IMMP2L: variants seen among roughly 807,000 people sequenced by gnomAD.
IMMP2L encodes the protein mitochondrial inner membrane protease subunit 2.
In IMMP2L, 18 loss-of-function variants were observed where a neutral mutation model predicts 19.3. The observed-to-expected ratio is 0.93, with a 90% CI of 0.64 to 1.38. The LOEUF is 1.38. Ranked by LOEUF, IMMP2L falls within the 40% of genes most tolerant of loss-of-function variation. IMMP2L has a pLI of 0.00. For missense variants in IMMP2L, 233 were observed against 218.2 expected, an observed-to-expected ratio of 1.07 and a Z score of -0.43; for synonymous variants, 76 against 73.0, an observed-to-expected ratio of 1.04 and a Z score of -0.21.
At chr7:111,294,494 T>C (rs1038859057) in intron 3 of IMMP2L, among the ~76,000 whole-genome samples, 1 of 151,180 alleles carries the variant, frequency 6.6e-6, no homozygotes, top group Non-Finnish European at 1.5e-5. Context: ...AACCCTTATA[T>C]CTAGGCTGTA....
intron 5 of IMMP2L, among the ~76,000 whole-genome samples, chr7:110,716,759 GAA>G (rs749276368): frequency 5.3e-4 from 81 of 152,130 alleles, no homozygotes; most frequent in Non-Finnish European, 1.0e-3. Context: ...GGTGAACTCT[GAA>G]AAGAGTGAAG....
intron 3 of IMMP2L, among the ~76,000 whole-genome samples, chr7:111,467,612 C>T (rs1388997883): frequency 1.3e-5 from 2 of 152,068 alleles, no homozygotes; most frequent in African/African-American, 2.4e-5. Context: ...AGGTTAATTA[C>T]CCTTTTAACT....
At chr7:110,904,865 C>A (rs1249840085) in intron 4 of IMMP2L, among the ~76,000 whole-genome samples, 1 of 152,164 alleles carries the variant, frequency 6.6e-6, no homozygotes, top group Admixed American at 6.5e-5. Flanking sequence ...TTAATATAAT[C>A]TCTATATCTT....
chr7:111,000,028 C>G lies in IMMP2L; in HGVS notation c.240-36463G>C, dbSNP rs535526218. On this transcript the variant is annotated intron_variant, in intron 3 of 5. Transcript: ENST00000405709. ...ATCCACACTAAAAGCCTGAGTTTTCCCAAGTGGATCCATTCTGATTTTGTA... is the reference window on the plus strand; with the variant it reads ...ATCCACACTAAAAGCCTGAGTTTTCGCAAGTGGATCCATTCTGATTTTGTA... Among the ~76,000 whole-genome samples, 70 of 152,208 alleles carry G rather than the reference C, an allele frequency of 4.6e-4. No homozygotes were observed. The South Asian group carries it at 5.2e-3, about 11-fold the overall frequency.
At chr7:111,004,292 G>T (rs539429082) in intron 3 of IMMP2L, among the ~76,000 whole-genome samples, 1 of 151,956 alleles carries the variant, frequency 6.6e-6, no homozygotes, top group Non-Finnish European at 1.5e-5. Flanking sequence ...ATCCTCCCCC[G>T]CTCAGCCTCC....
chr7:111,005,852 C>T (rs1187083328), intron 3 of IMMP2L, among the ~76,000 whole-genome samples: 1 of 152,154 alleles, frequency 6.6e-6, no homozygotes, highest in East Asian at 1.9e-4. Flanking sequence ...GATTGCTCTT[C>T]ATAATCAATC....
intron 3 of IMMP2L, among the ~76,000 whole-genome samples, chr7:111,142,262 G>A (rs1193507459): frequency 1.1e-4 from 16 of 150,366 alleles, no homozygotes; most frequent in Admixed American, 1.1e-3. Context: ...GGTGGTAGAG[G>A]TTGCAGTGAG....
chr7:111,233,025 C>T (rs1813882566), intron 3 of IMMP2L, among the ~76,000 whole-genome samples: 1 of 152,040 alleles, frequency 6.6e-6, no homozygotes, highest in East Asian at 1.9e-4. Context: ...TACCACCTAC[C>T]CCTACTAGAC....
At chr7:110,976,000 A>G (rs957790384) in intron 3 of IMMP2L, among the ~76,000 whole-genome samples, 1 of 152,084 alleles carries the variant, frequency 6.6e-6, no homozygotes, top group Non-Finnish European at 1.5e-5. Context: ...GGCACAGTAG[A>G]ACTGATAGCA....
intron 3 of IMMP2L, among the ~76,000 whole-genome samples, chr7:111,470,206 A>T (rs1841109360): frequency 6.6e-6 from 1 of 152,218 alleles, no homozygotes; most frequent in Non-Finnish European, 1.5e-5. Context: ...AATGGCAATC[A>T]TTAAAAAGTC....
intron 3 of IMMP2L, among the ~76,000 whole-genome samples, chr7:111,444,618 C>T (rs930119350): frequency 3.3e-5 from 5 of 152,216 alleles, no homozygotes; most frequent in Non-Finnish European, 5.9e-5. Flanking sequence ...TTTTCCTCAT[C>T]GCTTCTACTG....
At chr7:111,496,152 T>A (rs545031280) in intron 2 of IMMP2L, among the ~76,000 whole-genome samples, 1 of 152,334 alleles carries the variant, frequency 6.6e-6, no homozygotes, top group Admixed American at 6.5e-5. Flanking sequence ...ATGTCACACC[T>A]TTGAAAGAAT....
intron 5 of IMMP2L, among the ~76,000 whole-genome samples, chr7:110,723,236 G>C (rs1795686057): frequency 2.0e-5 from 3 of 152,104 alleles, no homozygotes; most frequent in Admixed American, 2.0e-4. Flanking sequence ...CTCCAATAGG[G>C]ACAGAAGTTA....
intron 3 of IMMP2L, among the ~76,000 whole-genome samples, chr7:111,041,075 T>C (rs984937651): frequency 6.6e-6 from 1 of 152,116 alleles, no homozygotes; most frequent in Non-Finnish European, 1.5e-5. Flanking sequence ...TATTTTGGTA[T>C]GATAATCTTC....
chr7:110,842,397 G>A (rs975373672), intron 5 of IMMP2L, among the ~76,000 whole-genome samples: 16 of 152,122 alleles, frequency 1.1e-4, no homozygotes, highest in Non-Finnish European at 1.9e-4. Flanking sequence ...GCTTGAGTTC[G>A]GGTCCACAGG....
intron 4 of IMMP2L, among the ~76,000 whole-genome samples, chr7:110,917,956 T>C (rs144372005): frequency 7.9e-4 from 120 of 152,070 alleles, no homozygotes; most frequent in African/African-American, 2.8e-3. Context: ...ACTACTAGAG[T>C]GCTGCTCAAA....
At chr7:111,356,563 A>G (rs1828719799) in intron 3 of IMMP2L, among the ~76,000 whole-genome samples, 1 of 152,162 alleles carries the variant, frequency 6.6e-6, no homozygotes, top group Non-Finnish European at 1.5e-5. Flanking sequence ...CCCCTTATTC[A>G]ACGTTAAATC....
chr7:111,175,259 A>G (rs565943058), intron 3 of IMMP2L, among the ~76,000 whole-genome samples: 1 of 151,956 alleles, frequency 6.6e-6, no homozygotes, highest in South Asian at 2.1e-4. Context: ...CGTTTTCCCC[A>G]TCTTAGCTTA....
intron 1 of IMMP2L, among the ~76,000 whole-genome samples, chr7:111,541,375 TA>T (rs1848491988): frequency 6.6e-6 from 1 of 152,160 alleles, no homozygotes; most frequent in Non-Finnish European, 1.5e-5. Context: ...CACAAGTGGG[TA>T]GTTGGGTAAT....
Sources: allele counts gnomAD v4.1 joint callset (sites outside exome capture counted in the v4.1 genomes callset), GRCh38; gene constraint gnomAD v4.1.1; transcripts MANE v1.5; gene names NCBI Gene and HGNC (gene_info 2026-07-23, HGNC 2026-07-21).